Variants in NCAM2 observed in about 807,000 individuals in gnomAD.
NCAM2 encodes N-CAM-2.
NCAM2 carries 30 observed loss-of-function variants against 98.1 expected under a neutral mutation model. That is an observed-to-expected ratio of 0.31 (90% CI 0.23 to 0.41). The LOEUF (loss-of-function observed/expected upper bound fraction) is 0.41. Ranked by LOEUF, NCAM2 falls within the 10% of genes least tolerant of loss-of-function variation. The pLI, the probability that NCAM2 is intolerant of heterozygous loss-of-function variation, is 1.00. For synonymous variants in NCAM2, 368 were observed against 342.4 expected (o/e 1.07, Z -0.83); for missense variants, 867 against 1,005.8 (o/e 0.86, Z 1.87).
At chr21:21,084,231 A>G (rs531568440) in intron 1 of NCAM2, among the ~76,000 whole-genome samples, 1 of 152,214 alleles carries the variant, frequency 6.6e-6, no homozygotes, top group East Asian at 1.9e-4. Context: ...ATAACCTCCA[A>G]AGGCCCCTCC....
At chr21:21,062,692 T>C (rs1489136775) in intron 1 of NCAM2, among the ~76,000 whole-genome samples, 1 of 152,186 alleles carries the variant, frequency 6.6e-6, no homozygotes, top group Non-Finnish European at 1.5e-5. Context: ...AGTAGGTCAG[T>C]TTTTTTGAAA....
chr21:21,474,959 T>C (rs977323324), intron 14 of NCAM2, among the ~76,000 whole-genome samples: 1 of 151,050 alleles, frequency 6.6e-6, no homozygotes, highest in African/African-American at 2.4e-5. Context: ...CTTTTTAAGC[T>C]TTTTTGTTCT....
Position 21,512,378 on chromosome 21 carries a change from T to C in NCAM2, c.2282+3323T>C, listed in dbSNP as rs576084288. Reference sequence around the variant, plus strand: ...TATCTCCAATGTCTTGGCAGCTATGTTAAAAATAACTCTACTGTAAATGCA... The same window carrying C: ...TATCTCCAATGTCTTGGCAGCTATGCTAAAAATAACTCTACTGTAAATGCA... On this transcript the variant is annotated intron_variant, in intron 16 of 17. Transcript: ENST00000400546. Among the ~76,000 whole-genome samples the C allele has an allele frequency of 5.3e-5, 8 of 152,164 alleles. No homozygotes were observed. In the South Asian group the frequency reaches 1.7e-3, roughly 32 times the overall value.
At chr21:21,297,326 A>G (rs1390244589) in intron 5 of NCAM2, among the ~76,000 whole-genome samples, 1 of 151,768 alleles carries the variant, frequency 6.6e-6, no homozygotes, top group African/African-American at 2.4e-5. Context: ...CCGAACAAAC[A>G]TTGATATAAT....
chr21:21,375,204 GAAAACA>G (rs1241029025), intron 9 of NCAM2, among the ~76,000 whole-genome samples: 9 of 138,292 alleles, frequency 6.5e-5, no homozygotes, highest in South Asian at 2.2e-4. Context: ...AGGATAAAAA[GAAAACA>G]AAAACAAAAA....
intron 15 of NCAM2, among the ~76,000 whole-genome samples, chr21:21,485,869 A>G (rs1986305804): frequency 6.6e-6 from 1 of 152,188 alleles, no homozygotes; most frequent in Non-Finnish European, 1.5e-5. Flanking sequence ...GAATCTTTTC[A>G]TATGAGGGCT....
intron 10 of NCAM2, among the ~76,000 whole-genome samples, chr21:21,416,523 A>AAAAC (rs398071646): frequency 6.6e-6 from 1 of 151,812 alleles, no homozygotes. Context: ...AAAAAGAAAA[A>AAAAC]CACTATCTTT....
At chr21:21,447,201 G>A (rs949067933) in intron 12 of NCAM2, among the ~76,000 whole-genome samples, 1 of 152,104 alleles carries the variant, frequency 6.6e-6, no homozygotes, top group Non-Finnish European at 1.5e-5. Flanking sequence ...TATCAATACA[G>A]ACATATAGAC....
At chr21:21,510,180 G>A (rs1215630835) in intron 16 of NCAM2, among the ~76,000 whole-genome samples, 3 of 152,046 alleles carry the variant, frequency 2.0e-5, no homozygotes, top group Admixed American at 1.3e-4. Context: ...CAGTCTAAAA[G>A]GTGTTTACAT....
At chr21:21,513,615 T>C (rs1453315612) in intron 16 of NCAM2, among the ~76,000 whole-genome samples, 2 of 152,152 alleles carry the variant, frequency 1.3e-5, no homozygotes, top group Non-Finnish European at 1.5e-5. Context: ...TGGCCTAACA[T>C]ACGATCTATT....
chr21:21,041,131 A>G (rs1203303515), intron 1 of NCAM2, among the ~76,000 whole-genome samples: 1 of 152,182 alleles, frequency 6.6e-6, no homozygotes, highest in Non-Finnish European at 1.5e-5. Context: ...AAGAAAAGAA[A>G]GAGCTATCAA....
chr21:21,092,785 T>C (rs1416164435), intron 1 of NCAM2, among the ~76,000 whole-genome samples: 1 of 152,006 alleles, frequency 6.6e-6, no homozygotes, highest in Non-Finnish European at 1.5e-5. Flanking sequence ...GTTGAAATGC[T>C]ACATAGCTCA....
chr21:21,067,698 A>G (rs529638218), intron 1 of NCAM2, among the ~76,000 whole-genome samples: 10 of 152,340 alleles, frequency 6.6e-5, no homozygotes, highest in Middle Eastern at 3.4e-3. Context: ...TTAAATTCCT[A>G]TGAAGAAAGA....
At chr21:21,477,085 A>G (rs1985264591) in intron 14 of NCAM2, among the ~76,000 whole-genome samples, 1 of 152,076 alleles carries the variant, frequency 6.6e-6, no homozygotes, top group African/African-American at 2.4e-5. Context: ...TTTTTGGCTA[A>G]TATAAACAAC....
intron 1 of NCAM2, among the ~76,000 whole-genome samples, chr21:21,173,246 G>A (rs544447571): frequency 9.4e-4 from 143 of 152,250 alleles, no homozygotes; most frequent in Middle Eastern, 6.8e-3. Context: ...TAATTCATTG[G>A]TGTTCATTGG....
At chr21:21,442,872 A>G (rs1470821296) in intron 12 of NCAM2, among the ~76,000 whole-genome samples, 1 of 152,188 alleles carries the variant, frequency 6.6e-6, no homozygotes, top group Non-Finnish European at 1.5e-5. Flanking sequence ...GTTACTTGAA[A>G]TATTTTTTAA....
At chr21:21,478,715 C>CT (rs1183194995) in intron 15 of NCAM2, among the ~76,000 whole-genome samples, 5 of 151,942 alleles carry the variant, frequency 3.3e-5, no homozygotes. Flanking sequence ...ATTTTAAGGA[C>CT]TTTTTTTACT....
chr21:21,533,688 T>C (rs1271214737), intron 16 of NCAM2, among the ~76,000 whole-genome samples: 1 of 150,896 alleles, frequency 6.6e-6, no homozygotes, highest in African/African-American at 2.4e-5. Flanking sequence ...AAATCTTTAT[T>C]AGGAGTACCT....
chr21:21,208,255 G>A (rs563768280), intron 1 of NCAM2, among the ~76,000 whole-genome samples: 1 of 152,164 alleles, frequency 6.6e-6, no homozygotes, highest in South Asian at 2.1e-4. Context: ...AATGGACAAT[G>A]GTGTATGACC....
Sources: allele counts gnomAD v4.1 joint callset (sites outside exome capture counted in the v4.1 genomes callset), GRCh38; gene constraint gnomAD v4.1.1; transcripts MANE v1.5; gene names NCBI Gene and HGNC (gene_info 2026-07-23, HGNC 2026-07-21).